The following WWOX variants were observed in gnomAD, a reference collection of about 807,000 sequenced individuals.
WWOX encodes the protein WW domain containing oxidoreductase.
A neutral mutation model predicts 46.2 loss-of-function variants in WWOX; 69 were observed. The ratio of observed to expected loss-of-function variants is 1.49; its 90% CI spans 1.23 to 1.82. WWOX has a LOEUF of 1.82. Among genes scored for constraint, WWOX ranks in the 40% most tolerant of loss-of-function variants. The pLI, the probability that WWOX is intolerant of heterozygous loss-of-function variation, is 0.00. For synonymous variants in WWOX, 359 were observed against 202.6 expected (o/e 1.77, Z -6.56); for missense variants, 919 against 542.6 (o/e 1.69, Z -6.89).
chr16:78,779,695 C>T (rs1022249249), intron 8 of WWOX, among the ~76,000 whole-genome samples: 3 of 152,216 alleles, frequency 2.0e-5, no homozygotes, highest in Admixed American at 6.5e-5. Context: ...GGGATCACCA[C>T]AGCCCATCTG....
chr16:79,092,880 G>C lies in WWOX; in HGVS notation c.1057-118728G>C, dbSNP rs1035461529. Among the ~76,000 whole-genome samples, 5 of 152,304 alleles carry C rather than the reference G, an allele frequency of 3.3e-5. No homozygotes were observed. In the South Asian group the frequency reaches 1.0e-3, roughly 32 times the overall value. On this transcript the variant is annotated intron_variant, in intron 8 of 8. Coordinates refer to ENST00000566780, the MANE Select transcript of WWOX (RefSeq NM_016373.4). ...AACCCCCCAGCTCCATAGGAGTGGA[G>C]TTTGGATTTCAACTAGATAAGGCCC...
intron 8 of WWOX, among the ~76,000 whole-genome samples, chr16:78,807,309 A>C (rs2051067659): frequency 6.6e-6 from 1 of 152,234 alleles, no homozygotes; most frequent in Admixed American, 6.5e-5. Context: ...CAAAATACTT[A>C]AAAGTGTTTA....
rs1319692935 is a variant in WWOX, at chr16:78,590,265, C to G, written c.1056+157513C>G. 5.3e-5 allele frequency among the ~76,000 whole-genome samples: 8 copies of G among 152,014 alleles called. No individual in the cohort carries two copies. In the East Asian group the frequency reaches 1.5e-3, roughly 29 times the overall value. ...ATCAAGATGCAGACAGGCTTGGTGT[C>G]TGGTGAGGGCTGCTTTCTATCCTTC... On this transcript the variant is annotated intron_variant, in intron 8 of 8. Transcript: ENST00000566780.
chr16:78,781,814 T>G (rs1370737849), intron 8 of WWOX, among the ~76,000 whole-genome samples: 3 of 152,222 alleles, frequency 2.0e-5, no homozygotes. Flanking sequence ...TATTTTCTTC[T>G]AAGTAGAAGT....
Position 79,211,788 on chromosome 16 carries a change from T to C in WWOX, c.1237T>C (p.Ser413Pro). ...RLIQERLGSQ[S>P]G ...GATCCAAGAACGGCTTGGCAGCCAG[T>C]CCGGCTAAGTGGAGCTCAGAGCGGA... The change falls in exon 9 of 9, where the codon TCC becomes CCC. Residue 413 changes from serine (S) to proline (P), a missense_variant. By Grantham distance (74) the Ser-to-Pro change is moderately conservative. Transcript: ENST00000566780. 1.2e-6 allele frequency: 2 copies of C among 1,614,094 alleles called. No individual in the cohort carries two copies. Among genetic ancestry groups the C allele is most frequent in the Non-Finnish European group, 8.5e-7 (1 of 1,179,986 alleles).
At chr16:78,540,134 T>C (rs564563992) in intron 8 of WWOX, among the ~76,000 whole-genome samples, 4 of 151,952 alleles carry the variant, frequency 2.6e-5, no homozygotes, top group African/African-American at 9.7e-5. Context: ...GTGTTCAATT[T>C]CTGCCTGAGA....
intron 8 of WWOX, among the ~76,000 whole-genome samples, chr16:78,700,113 C>G (rs1289628116): frequency 1.3e-5 from 2 of 151,672 alleles, no homozygotes; most frequent in Non-Finnish European, 1.5e-5. Flanking sequence ...TCAACCCACA[C>G]TAGTTACGTG....
At chr16:78,442,577 C>G (rs1032258095) in intron 8 of WWOX, among the ~76,000 whole-genome samples, 1 of 152,042 alleles carries the variant, frequency 6.6e-6, no homozygotes, top group Non-Finnish European at 1.5e-5. Flanking sequence ...GCTTATTTTA[C>G]GATAAATTGA....
chr16:79,041,228 C>G (rs1338568981), intron 8 of WWOX, among the ~76,000 whole-genome samples: 6 of 152,140 alleles, frequency 3.9e-5, no homozygotes, highest in African/African-American at 7.2e-5. Context: ...CTTCTTTGCA[C>G]TCGTGTGATG....
At chr16:78,440,612 G>GTTT (rs57345113) in intron 8 of WWOX, among the ~76,000 whole-genome samples, 48 of 144,686 alleles carry the variant, frequency 3.3e-4, no homozygotes, top group African/African-American at 1.0e-3. Flanking sequence ...AATTTCTGTA[G>GTTT]TTTTTTTTTT....
rs539140415 is a variant in WWOX at position 78,670,774 on chromosome 16, A to T, written c.1056+238022A>T. 1.3e-5 allele frequency among the ~76,000 whole-genome samples: 2 copies of T among 152,090 alleles called. 1 individual carries two copies. The highest frequency in any genetic ancestry group is 2.9e-5 in the Non-Finnish European group (2 of 68,016). ...CAGTTCTCCTGCTTTGACCTCCTAA[A>T]GTGCTGGGATTACAGACATGAGCCA... On this transcript the variant is annotated intron_variant, in intron 8 of 8. Transcript: ENST00000566780.
At chr16:78,669,544 G>A (rs76300478) in intron 8 of WWOX, among the ~76,000 whole-genome samples, 28,772 of 152,116 alleles carry the variant, frequency 0.19, 3,495 homozygotes, top group African/African-American at 0.35. Context: ...ACCACAAAGA[G>A]TTACCTACCC....
chr16:78,583,876 T>C (rs773519766), intron 8 of WWOX, among the ~76,000 whole-genome samples: 2 of 152,232 alleles, frequency 1.3e-5, no homozygotes, highest in Non-Finnish European at 2.9e-5. Context: ...AGCTGGTTAG[T>C]GTTGCATACC....
intron 8 of WWOX, among the ~76,000 whole-genome samples, chr16:78,502,233 C>T (rs1303456523): frequency 6.6e-6 from 1 of 152,122 alleles, no homozygotes; most frequent in Admixed American, 6.6e-5. Context: ...TTAAGGTGTA[C>T]AATTCAATGG....
chr16:78,425,533 A>G (rs1043760347), intron 7 of WWOX, among the ~76,000 whole-genome samples: 8 of 152,242 alleles, frequency 5.3e-5, no homozygotes, highest in African/African-American at 1.4e-4. Flanking sequence ...TAGTTAGAGC[A>G]TATTAGAAAT....
At chr16:78,928,927 A>C (rs1447892543) in intron 8 of WWOX, among the ~76,000 whole-genome samples, 1 of 152,210 alleles carries the variant, frequency 6.6e-6, no homozygotes, top group Admixed American at 6.5e-5. Flanking sequence ...CAACAACCAG[A>C]AGTGCCCCTT....
rs142331196 is a variant in WWOX, at chr16:78,934,227, A to G, written c.1057-277381A>G. Among the ~76,000 whole-genome samples the G allele has an allele frequency of 2.3e-4, 34 of 150,858 alleles. No individual in the cohort carries two copies. The East Asian group carries it at 6.3e-3, about 28-fold the overall frequency. Reference sequence around the variant, plus strand: ...GTGGCACATCCCTGTAATCCCAGCTACTCGGGAGGCTGAGGCAGGAGAATG... The same window carrying G: ...GTGGCACATCCCTGTAATCCCAGCTGCTCGGGAGGCTGAGGCAGGAGAATG... On this transcript the variant is annotated intron_variant, in intron 8 of 8. Transcript: ENST00000566780.
At chr16:79,115,061 G>A (rs894394407) in intron 8 of WWOX, among the ~76,000 whole-genome samples, 2 of 152,194 alleles carry the variant, frequency 1.3e-5, no homozygotes, top group Non-Finnish European at 2.9e-5. Flanking sequence ...GACCTCTTGT[G>A]CCTCCAGTGT....
At chr16:78,843,853 T>C (rs2052227223) in intron 8 of WWOX, among the ~76,000 whole-genome samples, 1 of 152,220 alleles carries the variant, frequency 6.6e-6, no homozygotes, top group South Asian at 2.1e-4. Context: ...GGTTGGCTCA[T>C]ATTTTTAATT....
Sources: allele counts gnomAD v4.1 joint callset (sites outside exome capture counted in the v4.1 genomes callset), GRCh38; gene constraint gnomAD v4.1.1; transcripts MANE v1.5; gene names NCBI Gene and HGNC (gene_info 2026-07-23, HGNC 2026-07-21).